Variants in CCBE1 observed in about 807,000 individuals in gnomAD.
The protein encoded by CCBE1 is collagen and calcium-binding EGF domain-containing protein 1.
A neutral mutation model predicts 50.0 loss-of-function variants in CCBE1; 37 were observed. The ratio of observed to expected loss-of-function variants is 0.74; its 90% CI spans 0.57 to 0.97. CCBE1 has a LOEUF of 0.97. Ranked by LOEUF, CCBE1 falls within the 50% of genes least tolerant of loss-of-function variation. The pLI, the probability that CCBE1 is intolerant of heterozygous loss-of-function variation, is 0.00. For missense variants in CCBE1, 538 were observed against 523.8 expected, an observed-to-expected ratio of 1.03 and a Z score of -0.26; for synonymous variants, 234 against 203.7, an observed-to-expected ratio of 1.15 and a Z score of -1.27.
intron 2 of CCBE1, among the ~76,000 whole-genome samples, chr18:59,534,997 T>C (rs1915192188): frequency 6.6e-6 from 1 of 152,202 alleles, no homozygotes; most frequent in Admixed American, 6.5e-5. Flanking sequence ...GAGAGGCAAA[T>C]AAAATGTTAC....
chr18:59,508,710 G>GTTTTTTT (rs1568177680), intron 2 of CCBE1, among the ~76,000 whole-genome samples: 1 of 99,408 alleles, frequency 1.0e-5, no homozygotes, highest in Non-Finnish European at 2.0e-5. Context: ...ATAGAGTTAC[G>GTTTTTTT]CTTTTTTTTT....
intron 4 of CCBE1, among the ~76,000 whole-genome samples, chr18:59,467,624 G>A (rs961180597): frequency 6.6e-6 from 1 of 152,176 alleles, no homozygotes; most frequent in African/African-American, 2.4e-5. Flanking sequence ...GCCGCATGGT[G>A]GAAACAAAAA....
chr18:59,664,585 T>G (rs2054327406), intron 2 of CCBE1, among the ~76,000 whole-genome samples: 1 of 152,110 alleles, frequency 6.6e-6, no homozygotes, highest in South Asian at 2.1e-4. Flanking sequence ...ACATAAACCC[T>G]TTAGTCATGT....
chr18:59,668,968 G>A (rs1206619090), intron 2 of CCBE1, among the ~76,000 whole-genome samples: 1 of 151,656 alleles, frequency 6.6e-6, no homozygotes, highest in African/African-American at 2.4e-5. Flanking sequence ...GGGATTACTG[G>A]GATTACAGAC....
At position 59,433,099 on chromosome 18, in the gene CCBE1, G is replaced by C. The variant is rs567227553; in HGVS notation, c.*2809C>G. On this transcript the variant is annotated 3_prime_UTR_variant, in exon 11 of 11. Coordinates refer to ENST00000439986, the MANE Select transcript of CCBE1 (RefSeq NM_133459.4). ...CGTGGTTGGTGTGGCCCTCTGTCAT[G>C]AATGTTGAATTTTGCAGAGAGAAGG... 1 of 152,104 alleles carries C rather than the reference G, an allele frequency of 6.6e-6. No individual in the cohort carries two copies. Among genetic ancestry groups the C allele is most frequent in the East Asian group, 1.9e-4 (1 of 5,172 alleles). 9.4% of individuals were successfully genotyped at this position (152,104 alleles called of 1,614,324 possible).
chr18:59,577,370 A>G (rs746705389), intron 2 of CCBE1, among the ~76,000 whole-genome samples: 25 of 152,264 alleles, frequency 1.6e-4, no homozygotes, highest in Non-Finnish European at 3.1e-4. Context: ...CGGGGGTTTG[A>G]AGATTAATTT....
chr18:59,670,872 C>T (rs556677908), intron 2 of CCBE1, among the ~76,000 whole-genome samples: 9 of 152,072 alleles, frequency 5.9e-5, no homozygotes, highest in South Asian at 4.2e-4. Context: ...CACTTGAGCC[C>T]GGGAGGCAGA....
chr18:59,670,582 A>G (rs1238356586), intron 2 of CCBE1, among the ~76,000 whole-genome samples: 1 of 152,198 alleles, frequency 6.6e-6, no homozygotes, highest in Non-Finnish European at 1.5e-5. Flanking sequence ...TGAAAGTTTC[A>G]AAGTGGACCG....
rs1186229646 is a variant in CCBE1, at chr18:59,519,972, CG to C, written c.213-39735del. On this transcript the variant is annotated intron_variant, in intron 2 of 10. Coordinates refer to ENST00000439986, the MANE Select transcript of CCBE1 (RefSeq NM_133459.4). ...TGTTTTTGTCAGGCTTGTCAAAGAT[CG>C]GATGGTTGTAGATGTGTGGTGTTAT... Among the ~76,000 whole-genome samples the C allele has an allele frequency of 2.0e-5, 3 of 152,096 alleles. No individual in the cohort carries two copies. The East Asian group carries it at 5.8e-4, about 29-fold the overall frequency.
intron 2 of CCBE1, among the ~76,000 whole-genome samples, chr18:59,629,528 T>C (rs11152162): frequency 0.37 from 55,618 of 152,052 alleles, 10,474 homozygotes; most frequent in East Asian, 0.6. Context: ...TGTTCATGAA[T>C]ACATTCCCAG....
chr18:59,576,921 C>A (rs935618860), intron 2 of CCBE1, among the ~76,000 whole-genome samples: 13 of 152,172 alleles, frequency 8.5e-5, no homozygotes, highest in Admixed American at 7.9e-4. Context: ...TTTTCTGACT[C>A]CTCCCTAATC....
chr18:59,640,634 T>C (rs1233432165), intron 2 of CCBE1, among the ~76,000 whole-genome samples: 2 of 152,138 alleles, frequency 1.3e-5, no homozygotes, highest in Non-Finnish European at 2.9e-5. Flanking sequence ...ACACATGGGA[T>C]CTAATTAAAC....
At chr18:59,540,135 A>G (rs1391414726) in intron 2 of CCBE1, among the ~76,000 whole-genome samples, 2 of 152,354 alleles carry the variant, frequency 1.3e-5, no homozygotes, top group Middle Eastern at 3.4e-3. Context: ...AATATATTTA[A>G]TTCACTAATA....
intron 6 of CCBE1, among the ~76,000 whole-genome samples, chr18:59,451,242 G>C (rs1356083779): frequency 6.6e-6 from 1 of 151,920 alleles, no homozygotes; most frequent in Non-Finnish European, 1.5e-5. Context: ...GCTGGTTTAA[G>C]AGTAGAGAGA....
intron 2 of CCBE1, among the ~76,000 whole-genome samples, chr18:59,668,941 C>T (rs1158900814): frequency 6.6e-6 from 1 of 151,116 alleles, no homozygotes; most frequent in Non-Finnish European, 1.5e-5. Context: ...TCTCCCACCT[C>T]AGCCTCCAGA....
chr18:59,613,267 C>A (rs76184203), intron 2 of CCBE1, among the ~76,000 whole-genome samples: 1 of 152,014 alleles, frequency 6.6e-6, no homozygotes, highest in Admixed American at 6.6e-5. Flanking sequence ...CCAGTTAAGC[C>A]GTGTCAAGGT....
chr18:59,536,933 A>G (rs1204057120), intron 2 of CCBE1, among the ~76,000 whole-genome samples: 1 of 149,810 alleles, frequency 6.7e-6, no homozygotes, highest in African/African-American at 2.5e-5. Context: ...CAGAGGTTGC[A>G]GTGAGCAGAG....
At chr18:59,521,076 T>C (rs1914578290) in intron 2 of CCBE1, among the ~76,000 whole-genome samples, 1 of 152,264 alleles carries the variant, frequency 6.6e-6, no homozygotes, top group South Asian at 2.1e-4. Context: ...AGTGCAGATT[T>C]TACAGTCCTA....
chr18:59,608,677 G>T (rs2053532003), intron 2 of CCBE1, among the ~76,000 whole-genome samples: 1 of 152,188 alleles, frequency 6.6e-6, no homozygotes. Context: ...AGCTTTAATA[G>T]AAAGTGTTTA....
Sources: allele counts gnomAD v4.1 joint callset (sites outside exome capture counted in the v4.1 genomes callset), GRCh38; gene constraint gnomAD v4.1.1; transcripts MANE v1.5; gene names NCBI Gene and HGNC (gene_info 2026-07-23, HGNC 2026-07-21).